Variants in PRKCA observed in about 807,000 individuals in gnomAD.
PRKCA encodes the protein protein kinase C alpha type.
A neutral mutation model predicts 87.0 loss-of-function variants in PRKCA; 27 were observed. The ratio of observed to expected loss-of-function variants is 0.31; its 90% CI spans 0.23 to 0.43. PRKCA has a LOEUF of 0.43. Ranked by LOEUF, PRKCA falls within the 20% of genes least tolerant of loss-of-function variation. The probability of loss-of-function intolerance (pLI) is 1.00; values close to 1 mark genes in which losing one functional copy is unlikely to be tolerated. For missense variants in PRKCA, 518 were observed against 852.3 expected, an observed-to-expected ratio of 0.61 and a Z score of 4.88; for synonymous variants, 329 against 311.1, an observed-to-expected ratio of 1.06 and a Z score of -0.61.
At chr17:66,602,226 G>A (rs1179410994) in intron 3 of PRKCA, among the ~76,000 whole-genome samples, 1 of 74,040 alleles carries the variant, frequency 1.4e-5, no homozygotes, top group East Asian at 3.2e-4. Flanking sequence ...GCGAGATTCC[G>A]TGGGCGTAGG....
At position 66,424,568 on chromosome 17, in the gene PRKCA, A is replaced by AAACACACACACACACACACACAC. The variant is rs1555602396; in HGVS notation, c.206-71632_206-71631insACACACACACACACACACACACA. Reference sequence around the variant, plus strand: ...GGCAGCAGAGCACGACCCTGTCTCAAACACACACACACACACACACACACA... The same window carrying AAACACACACACACACACACACAC: ...GGCAGCAGAGCACGACCCTGTCTCAAAACACACACACACACACACACACACACACACACACACACACACACACA... On this transcript the variant is annotated intron_variant, in intron 2 of 16. Coordinates refer to ENST00000413366, the MANE Select transcript of PRKCA (RefSeq NM_002737.3). Among the ~76,000 whole-genome samples the AAACACACACACACACACACACAC allele has an allele frequency of 8.7e-3, 1,241 of 142,006 alleles. 16 individuals carry two copies. The highest frequency in any genetic ancestry group is 0.02 in the African/African-American group (740 of 37,566). The allele number at this position is 142,006 out of a possible 152,430, so 93.2% of individuals were successfully genotyped here.
intron 10 of PRKCA, among the ~76,000 whole-genome samples, chr17:66,737,312 G>A (rs922329456): frequency 4.6e-5 from 7 of 152,086 alleles, no homozygotes; most frequent in Admixed American, 1.3e-4. Context: ...GCAGTGAGCC[G>A]AGATGGCGCC....
chr17:66,650,425 G>A (rs532037685), intron 5 of PRKCA, among the ~76,000 whole-genome samples: 96 of 151,554 alleles, frequency 6.3e-4, no homozygotes, highest in Admixed American at 1.6e-3. Context: ...TTGTAAATTC[G>A]GTTTATAGGA....
At chr17:66,728,868 G>A (rs895303284) in intron 8 of PRKCA, among the ~76,000 whole-genome samples, 6 of 152,188 alleles carry the variant, frequency 3.9e-5, no homozygotes, top group African/African-American at 1.4e-4. Flanking sequence ...TTGGAAACTG[G>A]GCATTCGTTG....
intron 8 of PRKCA, among the ~76,000 whole-genome samples, chr17:66,708,555 A>G (rs1172698418): frequency 1.3e-5 from 2 of 152,210 alleles, no homozygotes; most frequent in African/African-American, 4.8e-5. Context: ...CTGTGAAGCC[A>G]CATAGCAATT....
chr17:66,523,250 G>A (rs923261756), intron 3 of PRKCA, among the ~76,000 whole-genome samples: 2 of 152,086 alleles, frequency 1.3e-5, no homozygotes, highest in African/African-American at 4.8e-5. Flanking sequence ...TGAATCACCT[G>A]GGATACTTTC....
chr17:66,436,556 T>C (rs556438449), intron 2 of PRKCA, among the ~76,000 whole-genome samples: 3 of 152,292 alleles, frequency 2.0e-5, no homozygotes, highest in African/African-American at 7.2e-5. Context: ...AAGTCAGACA[T>C]AGGTGTGGAA....
intron 16 of PRKCA, chr17:66,797,051 G>C (rs1211139210): frequency 3.8e-5 from 34 of 899,874 alleles, no homozygotes; most frequent in Non-Finnish European, 3.9e-5. Context: ...TCCCATAGCT[G>C]AGACCATGGG....
At chr17:66,769,355 CAAA>C (rs534779519) in intron 13 of PRKCA, among the ~76,000 whole-genome samples, 1 of 127,984 alleles carries the variant, frequency 7.8e-6, no homozygotes, top group Non-Finnish European at 1.7e-5. Flanking sequence ...GACACTGTCT[CAAA>C]AAAAAAAAAA....
chr17:66,684,749 G>A (rs1972580184), intron 5 of PRKCA, among the ~76,000 whole-genome samples: 1 of 152,146 alleles, frequency 6.6e-6, no homozygotes, highest in Non-Finnish European at 1.5e-5. Context: ...TCTGCAACTG[G>A]TAGGAGGCAA....
intron 3 of PRKCA, 74 bp from the exon 4 acceptor site, chr17:66,641,281 G>A: frequency 2.0e-6 from 2 of 1,016,974 alleles, no homozygotes; most frequent in Admixed American, 3.7e-5. Flanking sequence ...GAGTGGTGGG[G>A]CCTGAGCTTG....
At chr17:66,765,442 A>C (rs796741758) in intron 13 of PRKCA, among the ~76,000 whole-genome samples, 65 of 136,692 alleles carry the variant, frequency 4.8e-4, no homozygotes, top group South Asian at 1.1e-3. Flanking sequence ...ATATATATAT[A>C]TATATATATA....
intron 3 of PRKCA, among the ~76,000 whole-genome samples, 188 bp downstream of exon 3, chr17:66,496,471 T>C (rs1479192243): frequency 6.6e-6 from 1 of 152,228 alleles, no homozygotes; most frequent in Admixed American, 6.5e-5. Context: ...CTTAGAGAAT[T>C]TCTCAGAGGA....
intron 3 of PRKCA, among the ~76,000 whole-genome samples, chr17:66,557,831 G>A (rs187938978): frequency 1.3e-5 from 2 of 152,264 alleles, no homozygotes; most frequent in Non-Finnish European, 2.9e-5. Flanking sequence ...CCTGTGAGGG[G>A]GTGTTAGCCA....
At chr17:66,531,859 A>G (rs1967553522) in intron 3 of PRKCA, among the ~76,000 whole-genome samples, 1 of 152,046 alleles carries the variant, frequency 6.6e-6, no homozygotes, top group African/African-American at 2.4e-5. Flanking sequence ...TCTCAAACTT[A>G]TCTTTGTGCT....
intron 3 of PRKCA, among the ~76,000 whole-genome samples, chr17:66,623,178 C>T (rs1970740756): frequency 6.6e-6 from 1 of 152,178 alleles, no homozygotes; most frequent in Non-Finnish European, 1.5e-5. Flanking sequence ...TAGAAATTCA[C>T]AAATGTAATC....
At position 66,645,399 on chromosome 17, in the gene PRKCA, T is replaced by G; in HGVS notation, c.417T>G (p.Val139=). 1.2e-6 allele frequency: 2 copies of G among 1,614,214 alleles called. No individual in the cohort carries two copies. The highest frequency in any genetic ancestry group is 1.7e-6 in the Non-Finnish European group (2 of 1,180,042). The change falls in exon 5 of 17, where the codon GTT becomes GTG. Residue 139 remains valine (V), a synonymous_variant. Transcript: ENST00000413366. ...GMKCDTCDMN[V]HKQCVINVPS... is the part of the protein sequence containing the mutation. ...GATTCACAGCCTGCGATATGAACGT[T>G]CACAAGCAATGCGTCATCAATGTCC...
At chr17:66,800,704 T>C (rs1232086577) in intron 16 of PRKCA, among the ~76,000 whole-genome samples, 2 of 152,256 alleles carry the variant, frequency 1.3e-5, no homozygotes, top group African/African-American at 4.8e-5. Context: ...GTCAGACCTG[T>C]GCACTCTTTT....
chr17:66,435,902 C>G (rs1426385982), intron 2 of PRKCA, among the ~76,000 whole-genome samples: 1 of 151,998 alleles, frequency 6.6e-6, no homozygotes, highest in Non-Finnish European at 1.5e-5. Flanking sequence ...TCGTGAAGGA[C>G]CCATGCTCTG....
Sources: allele counts gnomAD v4.1 joint callset (sites outside exome capture counted in the v4.1 genomes callset), GRCh38; gene constraint gnomAD v4.1.1; transcripts MANE v1.5; gene names NCBI Gene and HGNC (gene_info 2026-07-23, HGNC 2026-07-21).